Variants in ERGIC2 observed in about 807,000 individuals in gnomAD.
ERGIC2 encodes ERGIC and golgi 2.
A neutral mutation model predicts 52.5 loss-of-function variants in ERGIC2; 31 were observed. The ratio of observed to expected loss-of-function variants is 0.59; its 90% confidence interval spans 0.44 to 0.80. ERGIC2 has a LOEUF of 0.80. Among genes scored for constraint, ERGIC2 ranks in the 30% least tolerant of loss-of-function variants. The pLI is 0.00. For synonymous variants in ERGIC2, 129 were observed against 140.6 expected (o/e 0.92, Z 0.58); for missense variants, 395 against 455.2 (o/e 0.87, Z 1.20).
intron 1 of ERGIC2, among the ~76,000 whole-genome samples, chr12:29,379,366 A>G (rs538529566): frequency 2.6e-3 from 394 of 152,274 alleles, no homozygotes; most frequent in Middle Eastern, 0.014. Context: ...ATAGAAAGGA[A>G]GAACTTATGC....
chr12:29,351,475 A>G (rs1940129088), intron 8 of ERGIC2, among the ~76,000 whole-genome samples: 1 of 152,196 alleles, frequency 6.6e-6, no homozygotes, highest in Non-Finnish European at 1.5e-5. Context: ...TTCTGCAATC[A>G]CTTCAAATTC....
chr12:29,344,892 T>C (rs1351581757), intron 11 of ERGIC2, among the ~76,000 whole-genome samples: 1 of 152,158 alleles, frequency 6.6e-6, no homozygotes, highest in Non-Finnish European at 1.5e-5. Context: ...TCCAAAACTT[T>C]GCTCATCACT....
chr12:29,380,593 C>G (rs1940574979), intron 1 of ERGIC2: 1 of 152,144 alleles, frequency 6.6e-6, no homozygotes, highest in African/African-American at 2.4e-5. Flanking sequence ...CAGCATCTCG[C>G]CCTCCCCCGC....
At chr12:29,352,746 G>A (rs1005941958) in intron 8 of ERGIC2, among the ~76,000 whole-genome samples, 1 of 152,106 alleles carries the variant, frequency 6.6e-6, no homozygotes, top group African/African-American at 2.4e-5. Context: ...GTAGTAGGCT[G>A]GATTTGGTAT....
chr12:29,344,692 T>A (rs1390924494), intron 11 of ERGIC2, among the ~76,000 whole-genome samples: 1 of 152,060 alleles, frequency 6.6e-6, no homozygotes, highest in Non-Finnish European at 1.5e-5. Flanking sequence ...CCACAATTAT[T>A]GAGGGCATGG....
chr12:29,380,151 C>T (rs1940567908), intron 1 of ERGIC2, among the ~76,000 whole-genome samples: 1 of 151,996 alleles, frequency 6.6e-6, no homozygotes, highest in African/African-American at 2.4e-5. Context: ...TCATGTTTTC[C>T]ACTAGAACTG....
chr12:29,360,490 T>C (rs904690593), intron 6 of ERGIC2, among the ~76,000 whole-genome samples: 1 of 147,828 alleles, frequency 6.8e-6, no homozygotes, highest in Admixed American at 6.8e-5. Context: ...TATAACACAT[T>C]ATAAAAATAT....
rs1483098724 is a variant in ERGIC2, at chr12:29,338,109, G to A, written c.*3047C>T. 1 of 151,506 alleles carries A rather than the reference G, an allele frequency of 6.6e-6. No homozygotes were observed. The highest frequency in any genetic ancestry group is 1.5e-5 in the Non-Finnish European group (1 of 68,016). 9.4% of individuals were successfully genotyped at this position (151,506 alleles called of 1,614,324 possible). A position where few individuals can be genotyped will look rare whatever the true frequency, so the allele number is the denominator to read the frequency against. ...GAATCACTTGAACCCGGGAGACGGA[G>A]GTTGCAGTGAGCTGAGATTGCACCA... On this transcript the variant is annotated 3_prime_UTR_variant, in exon 14 of 14. Transcript: ENST00000360150.
chr12:29,365,687 CAAAGTT>C, intron 5 of ERGIC2, among the ~76,000 whole-genome samples: 1 of 119,180 alleles, frequency 8.4e-6, no homozygotes, highest in Admixed American at 8.0e-5. Flanking sequence ...AAAAAAAAAA[CAAAGTT>C]AAAGTTAAAT....
At chr12:29,358,075 T>A (rs1940233667) in intron 6 of ERGIC2, among the ~76,000 whole-genome samples, 1 of 152,212 alleles carries the variant, frequency 6.6e-6, no homozygotes, top group Non-Finnish European at 1.5e-5. Flanking sequence ...AGACACTGAA[T>A]GAAATATTGT....
chr12:29,349,947 C>T lies in ERGIC2; in HGVS notation c.628+66G>A, dbSNP rs1284755301. 7 of 976,740 alleles carry T rather than the reference C, an allele frequency of 7.2e-6. No individual in the cohort carries two copies. In the Admixed American group the frequency reaches 1.3e-4, roughly 19 times the overall value. The allele number at this position is 976,740 out of a possible 1,614,324, so 60.5% of individuals were successfully genotyped here. ...CAGCTCACTTTCAACTACACTATATCTGCACTTTTAAAAATAATATTTTTT... is the reference window on the plus strand; with the variant it reads ...CAGCTCACTTTCAACTACACTATATTTGCACTTTTAAAAATAATATTTTTT... On this transcript the variant is annotated intron_variant, in intron 9 of 13. Coordinates refer to ENST00000360150, the MANE Select transcript of ERGIC2 (RefSeq NM_016570.3).
chr12:29,354,391 AT>A (rs972914470), intron 8 of ERGIC2, among the ~76,000 whole-genome samples: 3 of 152,224 alleles, frequency 2.0e-5, no homozygotes, highest in African/African-American at 7.2e-5. Context: ...TTCAGTCTGC[AT>A]TTGTAGCAAT....
rs143000975 is a variant in ERGIC2, at chr12:29,359,774, G to A, written c.374+1871C>T. Reference sequence around the variant, plus strand: ...ACTTAGGGACTAGGGAAAAAAAAACGGGTAAAGAAAAATTTTTTGGAATAA... The same window carrying A: ...ACTTAGGGACTAGGGAAAAAAAAACAGGTAAAGAAAAATTTTTTGGAATAA... On this transcript the variant is annotated intron_variant, in intron 6 of 13. Coordinates refer to ENST00000360150, the MANE Select transcript of ERGIC2 (RefSeq NM_016570.3). Among the ~76,000 whole-genome samples the A allele has an allele frequency of 5.6e-3, 852 of 151,868 alleles. 11 individuals carry two copies. Among genetic ancestry groups the A allele is most frequent in the African/African-American group, 0.02 (827 of 41,464 alleles).
chr12:29,380,127 C>T (rs962398584), intron 1 of ERGIC2, among the ~76,000 whole-genome samples: 1 of 151,400 alleles, frequency 6.6e-6, no homozygotes, highest in African/African-American at 2.4e-5. Context: ...CCCAAAAAAT[C>T]AGAATTTTTT....
intron 1 of ERGIC2, among the ~76,000 whole-genome samples, chr12:29,374,947 G>T (rs549418755): frequency 6.6e-6 from 1 of 152,144 alleles, no homozygotes; most frequent in South Asian, 2.1e-4. Context: ...ACACTTAAGA[G>T]CTTGGATTCT....
chr12:29,376,121 A>G (rs1190245285), intron 1 of ERGIC2, among the ~76,000 whole-genome samples: 4 of 152,150 alleles, frequency 2.6e-5, no homozygotes, highest in African/African-American at 9.7e-5. Context: ...TGTGCTATGT[A>G]TTATTTGAAG....
chr12:29,361,483 T>C (rs1940286092), intron 6 of ERGIC2, among the ~76,000 whole-genome samples, 162 bp downstream of exon 6: 1 of 152,206 alleles, frequency 6.6e-6, no homozygotes, highest in South Asian at 2.1e-4. Flanking sequence ...TTTCTTAAGA[T>C]CTGATGGTTT....
intron 2 of ERGIC2, 41 bp downstream of exon 2, chr12:29,371,487 T>C: frequency 7.7e-7 from 1 of 1,294,772 alleles, no homozygotes; most frequent in Non-Finnish European, 1.1e-6. Flanking sequence ...CACGCAGAAG[T>C]TGTACTTACT....
intron 1 of ERGIC2, among the ~76,000 whole-genome samples, chr12:29,373,762 G>C (rs1158979828): frequency 6.6e-6 from 1 of 152,052 alleles, no homozygotes; most frequent in Non-Finnish European, 1.5e-5. Context: ...CATGCACTTA[G>C]TATTCGAAAG....
Sources: allele counts gnomAD v4.1 joint callset (sites outside exome capture counted in the v4.1 genomes callset), GRCh38; gene constraint gnomAD v4.1.1; transcripts MANE v1.5; gene names NCBI Gene and HGNC (gene_info 2026-07-23, HGNC 2026-07-21).